Variants in PTGER3 observed in about 807,000 individuals in gnomAD.
PTGER3 encodes the protein prostaglandin E receptor 3.
PTGER3 carries 22 observed loss-of-function variants against 34.7 expected under a neutral mutation model. The ratio of observed to expected loss-of-function variants is 0.63; its 90% CI spans 0.45 to 0.91. The LOEUF (loss-of-function observed/expected upper bound fraction) is 0.91. Ranked by LOEUF, PTGER3 falls within the 40% of genes least tolerant of loss-of-function variation. PTGER3 has a pLI of 0.00. For synonymous variants in PTGER3, 241 were observed against 230.1 expected, an observed-to-expected ratio of 1.05 and a Z score of -0.43; for missense variants, 468 against 519.4, an observed-to-expected ratio of 0.90 and a Z score of 0.96.
In PTGER3 at chr1:71,046,662, C is replaced by T; in HGVS notation, c.897+19G>A. 1.3e-6 allele frequency: 2 copies of T among 1,525,816 alleles called. No homozygotes were observed. Among genetic ancestry groups the T allele is most frequent in the African/African-American group, 2.8e-5 (2 of 72,408 alleles). The allele number at this position is 1,525,816 out of a possible 1,614,324, so 94.5% of individuals were successfully genotyped here. On this transcript the variant is annotated intron_variant, in intron 1 of 3. Coordinates refer to ENST00000306666, the MANE Select transcript of PTGER3 (RefSeq NM_198719.2). ...CTCGCACACGCATCCTGACTTCCCCCAACCCTGGAACTACCTACCAGGAGC... is the reference window on the plus strand; with the variant it reads ...CTCGCACACGCATCCTGACTTCCCCTAACCCTGGAACTACCTACCAGGAGC...
At chr1:70,898,287 T>TCCTTTCC (rs565385061) in intron 4 of PTGER3, among the ~76,000 whole-genome samples, 110 of 152,308 alleles carry the variant, frequency 7.2e-4, no homozygotes, top group Admixed American at 2.0e-3. Flanking sequence ...CCTGTTTTTC[T>TCCTTTCC]CCTTTCCCCT....
chr1:70,895,467 T>C (rs1285851357), intron 4 of PTGER3, among the ~76,000 whole-genome samples: 1 of 152,216 alleles, frequency 6.6e-6, no homozygotes, highest in Non-Finnish European at 1.5e-5. Context: ...GGTATACAAC[T>C]ACAAAATCAT....
At chr1:70,999,767 A>G (rs961742226) in intron 2 of PTGER3, among the ~76,000 whole-genome samples, 30 of 152,200 alleles carry the variant, frequency 2.0e-4, no homozygotes, top group Admixed American at 2.0e-4. Flanking sequence ...GCCAAAAGAG[A>G]TGTATTCTTA....
At chr1:71,042,024 T>G (rs996845759) in intron 1 of PTGER3, among the ~76,000 whole-genome samples, 2 of 152,046 alleles carry the variant, frequency 1.3e-5, no homozygotes, top group African/African-American at 4.8e-5. Context: ...CTTTTATAAT[T>G]TAGTTGTTGA....
intron 4 of PTGER3, among the ~76,000 whole-genome samples, chr1:70,914,786 A>C (rs1049617026): frequency 6.6e-6 from 1 of 151,948 alleles, no homozygotes. Flanking sequence ...TATCAAGTAG[A>C]TGGGACTTGA....
intron 4 of PTGER3, among the ~76,000 whole-genome samples, chr1:70,904,406 G>A (rs1427287225): frequency 6.6e-6 from 1 of 152,130 alleles, no homozygotes; most frequent in Non-Finnish European, 1.5e-5. Context: ...ACAGTTTGGA[G>A]GGCTCTGAAG....
At chr1:70,993,292 G>A (rs1655633838) in intron 2 of PTGER3, among the ~76,000 whole-genome samples, 1 of 152,196 alleles carries the variant, frequency 6.6e-6, no homozygotes, top group Non-Finnish European at 1.5e-5. Context: ...TAGAGAGACA[G>A]CGCAAGACTC....
chr1:70,854,192 G>C (rs61777096), intron 4 of PTGER3, among the ~76,000 whole-genome samples: 4 of 151,904 alleles, frequency 2.6e-5, no homozygotes, highest in Non-Finnish European at 5.9e-5. Context: ...ATTAACCTAC[G>C]AGATGGGAGA....
chr1:70,955,840 C>T (rs1651265277), intron 2 of PTGER3, among the ~76,000 whole-genome samples: 1 of 152,082 alleles, frequency 6.6e-6, no homozygotes, highest in African/African-American at 2.4e-5. Context: ...ATTCTAGGGT[C>T]ACTAATCCCA....
intron 2 of PTGER3, chr1:71,011,471 C>T (rs1557738644): frequency 1.0e-6 from 1 of 985,302 alleles, no homozygotes; most frequent in Non-Finnish European, 1.2e-6. Flanking sequence ...AAAACCACTT[C>T]ACGACTCTCA....
At chr1:70,972,279 T>C (rs909845010) in intron 3 of PTGER3, among the ~76,000 whole-genome samples, 3 of 152,088 alleles carry the variant, frequency 2.0e-5, no homozygotes, top group Non-Finnish European at 2.9e-5. Context: ...GCCGAGATCA[T>C]GCCACTGCAC....
chr1:70,853,442 G>A (rs866668384), intron 4 of PTGER3, among the ~76,000 whole-genome samples: 1 of 152,070 alleles, frequency 6.6e-6, no homozygotes, highest in Non-Finnish European at 1.5e-5. Context: ...TCTAAATTAC[G>A]AGTGACCTAA....
chr1:70,900,987 T>A (rs1455927384), intron 4 of PTGER3, among the ~76,000 whole-genome samples: 1 of 151,960 alleles, frequency 6.6e-6, no homozygotes, highest in Admixed American at 6.6e-5. Context: ...GGCCCAGAAA[T>A]TATTGTTTAG....
In PTGER3 at chr1:70,970,989, C is replaced by T. The variant is rs940281541; in HGVS notation, c.*741G>A. Reference sequence around the variant, plus strand: ...CTGGATTTTTTTATCACTCTAACTGCGCAGCTAATCATTCAACCTCAAATT... The same window carrying T: ...CTGGATTTTTTTATCACTCTAACTGTGCAGCTAATCATTCAACCTCAAATT... On this transcript the variant is annotated 3_prime_UTR_variant, in exon 4 of 4. Coordinates refer to ENST00000306666, the MANE Select transcript of PTGER3 (RefSeq NM_198719.2). 4.0e-5 allele frequency: 39 copies of T among 985,166 alleles called. No homozygotes were observed. Among genetic ancestry groups the T allele is most frequent in the Admixed American group, 6.2e-5 (1 of 16,246 alleles). 61.0% of individuals were successfully genotyped at this position (985,166 alleles called of 1,614,324 possible).
chr1:70,920,599 G>T (rs902723390), intron 4 of PTGER3, among the ~76,000 whole-genome samples: 3 of 152,152 alleles, frequency 2.0e-5, no homozygotes, highest in Non-Finnish European at 4.4e-5. Flanking sequence ...ATAGCCCAAA[G>T]TATAGGTAAT....
intron 1 of PTGER3, among the ~76,000 whole-genome samples, chr1:71,017,520 T>A (rs755165639): frequency 5.3e-5 from 8 of 152,114 alleles, no homozygotes; most frequent in Non-Finnish European, 1.0e-4. Context: ...TCATGTCAAA[T>A]TCTAATCCTC....
intron 4 of PTGER3, among the ~76,000 whole-genome samples, chr1:70,876,416 T>C (rs1235646903): frequency 1.3e-5 from 2 of 151,864 alleles, no homozygotes; most frequent in African/African-American, 4.8e-5. Context: ...ATAGTTTCTT[T>C]TGCTGTGAGA....
At chr1:70,977,768 A>T (rs923915138) in intron 2 of PTGER3, among the ~76,000 whole-genome samples, 1 of 151,978 alleles carries the variant, frequency 6.6e-6, no homozygotes, top group Non-Finnish European at 1.5e-5. Context: ...TGTCTTGGGA[A>T]ACCAATACAC....
intron 1 of PTGER3, among the ~76,000 whole-genome samples, chr1:71,023,504 AT>A (rs1194116841): frequency 1.3e-5 from 2 of 151,860 alleles, no homozygotes; most frequent in Non-Finnish European, 1.5e-5. Flanking sequence ...TTCAAACCCC[AT>A]TTATGTGCTA....
Sources: gnomAD v4.1 joint callset for allele counts (sites outside exome capture counted in the v4.1 genomes callset) on GRCh38, gnomAD v4.1.1 for gene constraint, MANE v1.5 for transcripts, NCBI Gene and HGNC (gene_info 2026-07-23, HGNC 2026-07-21) for gene names.